Variants in PSD3 observed in about 807,000 individuals in gnomAD.
PSD3 encodes pleckstrin and Sec7 domain containing 3.
PSD3 carries 49 observed loss-of-function variants against 105.5 expected under a neutral mutation model. That is an observed-to-expected ratio of 0.46 (90% CI 0.37 to 0.59). The LOEUF (loss-of-function observed/expected upper bound fraction) is 0.59. Among genes scored for constraint, PSD3 ranks in the 20% least tolerant of loss-of-function variants. PSD3 has a pLI of 0.00. For missense variants in PSD3, 1,561 were observed against 1,263.8 expected (o/e 1.24, Z -3.57); for synonymous variants, 557 against 457.8 (o/e 1.22, Z -2.77).
upstream of PSD3, among the ~76,000 whole-genome samples, chr8:19,015,640 G>T (rs1409807228): frequency 6.6e-6 from 1 of 152,172 alleles, no homozygotes; most frequent in Non-Finnish European, 1.5e-5. Flanking sequence ...TAGGAGGCAG[G>T]GTGGACATAG....
At chr8:18,702,567 G>GT (rs1801646568) in intron 9 of PSD3, among the ~76,000 whole-genome samples, 1 of 152,034 alleles carries the variant, frequency 6.6e-6, no homozygotes, top group Non-Finnish European at 1.5e-5. Context: ...TTGGTTTGTG[G>GT]TGGGAGCATT....
At chr8:18,582,427 G>C (rs897552206) in intron 12 of PSD3, among the ~76,000 whole-genome samples, 20 of 152,012 alleles carry the variant, frequency 1.3e-4, no homozygotes, top group Admixed American at 1.2e-3. Context: ...TAGCTGTCTG[G>C]CCACATTGCA....
intron 4 of PSD3, among the ~76,000 whole-genome samples, chr8:18,818,381 A>G (rs979610850): frequency 1.3e-5 from 2 of 151,454 alleles, no homozygotes; most frequent in Non-Finnish European, 2.9e-5. Context: ...GCTATACATG[A>G]TCTTACTTTG....
intron 1 of PSD3, among the ~76,000 whole-genome samples, chr8:19,054,334 T>C (rs1828636106): frequency 6.6e-6 from 1 of 152,150 alleles, no homozygotes; most frequent in African/African-American, 2.4e-5. Flanking sequence ...TCTGTGAGAG[T>C]ATCCCGTGTT....
intron 2 of PSD3, among the ~76,000 whole-genome samples, chr8:18,874,697 C>A: frequency 2.8e-5 from 3 of 107,104 alleles, no homozygotes; most frequent in South Asian, 3.4e-4. Context: ...AGCAAGACTC[C>A]ATCTCAAAAA....
chr8:18,671,172 A>G (rs998038842), intron 9 of PSD3, among the ~76,000 whole-genome samples: 1 of 152,206 alleles, frequency 6.6e-6, no homozygotes, highest in Non-Finnish European at 1.5e-5. Flanking sequence ...CTGCAGACCT[A>G]GATTCACACC....
chr8:18,954,702 G>C (rs953147836), intron 1 of PSD3, among the ~76,000 whole-genome samples: 20 of 152,094 alleles, frequency 1.3e-4, no homozygotes, highest in Non-Finnish European at 2.9e-4. Flanking sequence ...CTAAACTTGG[G>C]TATATCTGAG....
chr8:18,936,874 C>T (rs1233488879), intron 1 of PSD3, among the ~76,000 whole-genome samples: 1 of 152,120 alleles, frequency 6.6e-6, no homozygotes, highest in Non-Finnish European at 1.5e-5. Flanking sequence ...TTAAAGTACA[C>T]CAACAAAAAA....
chr8:18,795,556 C>T (rs1334580890), intron 8 of PSD3, among the ~76,000 whole-genome samples: 1 of 152,212 alleles, frequency 6.6e-6, no homozygotes, highest in Middle Eastern at 3.2e-3. Flanking sequence ...ACTTGTGTAT[C>T]TCTTGTGACT....
chr8:18,555,169 G>A (rs1423366317), intron 15 of PSD3, among the ~76,000 whole-genome samples: 6 of 152,082 alleles, frequency 3.9e-5, no homozygotes, highest in African/African-American at 1.2e-4. Flanking sequence ...TAGGATGAAC[G>A]GAAGGAGAGC....
intron 4 of PSD3, among the ~76,000 whole-genome samples, chr8:18,854,870 G>A (rs1276011496): frequency 6.6e-6 from 1 of 152,120 alleles, no homozygotes; most frequent in African/African-American, 2.4e-5. Context: ...GCTCGTGGAT[G>A]TGAAAATATT....
intron 9 of PSD3, among the ~76,000 whole-genome samples, chr8:18,708,804 A>C (rs2129420704): frequency 6.6e-6 from 1 of 152,018 alleles, no homozygotes. Flanking sequence ...ACTGGGACTA[A>C]TGAGGTGGTT....
intron 2 of PSD3, among the ~76,000 whole-genome samples, chr8:18,908,957 C>T (rs943877980): frequency 6.6e-6 from 1 of 152,190 alleles, no homozygotes; most frequent in Non-Finnish European, 1.5e-5. Context: ...ACAAGAGTCT[C>T]TAGTCATTTT....
rs1799759688 is a variant in PSD3 at position 18,534,616 on chromosome 8, C to A, written c.*1127G>T. The A allele has an allele frequency of 6.6e-6, 1 of 152,134 alleles. No individual in the cohort carries two copies. The highest frequency in any genetic ancestry group is 2.1e-4 in the South Asian group (1 of 4,816). 9.4% of individuals were successfully genotyped at this position (152,134 alleles called of 1,614,324 possible). A position where few individuals can be genotyped will look rare whatever the true frequency, so the allele number is the denominator to read the frequency against. Reference sequence around the variant, plus strand: ...ACCAGAAGATTCCTCAGTTTTCCAACCATAATTCATTCTGACTACTACTTT... The same window carrying A: ...ACCAGAAGATTCCTCAGTTTTCCAAACATAATTCATTCTGACTACTACTTT... On this transcript the variant is annotated 3_prime_UTR_variant, in exon 16 of 16. Transcript: ENST00000327040.
intron 4 of PSD3, among the ~76,000 whole-genome samples, chr8:18,839,939 AC>A (rs1004766327): frequency 1.3e-5 from 2 of 152,184 alleles, no homozygotes; most frequent in African/African-American, 4.8e-5. Flanking sequence ...ACAGAGACAG[AC>A]AGTGCCACCC....
chr8:18,749,300 C>A (rs1348144705), intron 9 of PSD3, among the ~76,000 whole-genome samples: 3 of 152,194 alleles, frequency 2.0e-5, no homozygotes, highest in African/African-American at 4.8e-5. Context: ...CCTTCTACTC[C>A]AGCTCTATAG....
chr8:18,833,729 T>A (rs1461371531), intron 4 of PSD3, among the ~76,000 whole-genome samples: 1 of 152,148 alleles, frequency 6.6e-6, no homozygotes, highest in Admixed American at 6.5e-5. Context: ...CTACCTGCCA[T>A]TACAATTATT....
intron 4 of PSD3, among the ~76,000 whole-genome samples, chr8:18,827,051 A>C (rs1466925718): frequency 6.6e-6 from 1 of 152,218 alleles, no homozygotes; most frequent in Non-Finnish European, 1.5e-5. Context: ...GCAGCAGCTT[A>C]AGAGGAAAAC....
chr8:18,816,865 C>A (rs1292131029), intron 4 of PSD3, among the ~76,000 whole-genome samples: 2 of 150,834 alleles, frequency 1.3e-5, no homozygotes, highest in East Asian at 3.9e-4. Flanking sequence ...CAGTGACATT[C>A]ATAAGTGCCT....
Sources: gnomAD v4.1 joint callset for allele counts (sites outside exome capture counted in the v4.1 genomes callset) on GRCh38, gnomAD v4.1.1 for gene constraint, MANE v1.5 for transcripts, NCBI Gene and HGNC (gene_info 2026-07-23, HGNC 2026-07-21) for gene names.